Variants in MFHAS1 observed in about 807,000 individuals in gnomAD.
The protein encoded by MFHAS1 is multifunctional ROCO family signaling regulator 1.
A neutral mutation model predicts 70.4 loss-of-function variants in MFHAS1; 50 were observed. The ratio of observed to expected loss-of-function variants is 0.71; its 90% CI spans 0.57 to 0.90. The LOEUF (loss-of-function observed/expected upper bound fraction) is 0.90. Among genes scored for constraint, MFHAS1 ranks in the 40% least tolerant of loss-of-function variants. The probability of loss-of-function intolerance (pLI) is 0.00; values close to 1 mark genes in which losing one functional copy is unlikely to be tolerated. For synonymous variants in MFHAS1, 952 were observed against 620.0 expected, an observed-to-expected ratio of 1.54 and a Z score of -7.96; for missense variants, 1,795 against 1,347.6, an observed-to-expected ratio of 1.33 and a Z score of -5.20.
chr8:8,882,389 AAAAC>A lies in MFHAS1; in HGVS notation c.2998+7668_2998+7671del, dbSNP rs373389563. On this transcript the variant is annotated intron_variant, in intron 1 of 2. Transcript: ENST00000276282. ...TGGAGACAGAGCGAGACTCAGTCTCAAAACAAACAAACAAACAAACAAACAAAAT... is the reference window on the plus strand; with the variant it reads ...TGGAGACAGAGCGAGACTCAGTCTCAAAACAAACAAACAAACAAACAAAAT... Among the ~76,000 whole-genome samples the A allele has an allele frequency of 3.9e-3, 596 of 151,918 alleles. 4 individuals carry two copies. Among genetic ancestry groups the A allele is most frequent in the African/African-American group, 0.011 (455 of 41,322 alleles).
At chr8:8,804,731 C>A (rs1259483052) in intron 1 of MFHAS1, among the ~76,000 whole-genome samples, 1 of 152,222 alleles carries the variant, frequency 6.6e-6, no homozygotes, top group East Asian at 1.9e-4. Flanking sequence ...ACTTCTGCGA[C>A]TCACACAATG....
At chr8:8,822,749 C>A (rs1335297807) in intron 1 of MFHAS1, among the ~76,000 whole-genome samples, 4 of 146,000 alleles carry the variant, frequency 2.7e-5, no homozygotes, top group Non-Finnish European at 6.0e-5. Context: ...GGACAGGGAA[C>A]CAAGTCAGGG....
intron 1 of MFHAS1, among the ~76,000 whole-genome samples, chr8:8,800,991 G>A (rs3789857): frequency 0.14 from 20,697 of 151,976 alleles, 1,866 homozygotes; most frequent in Non-Finnish European, 0.2. Flanking sequence ...CGAGGTGGGC[G>A]GATCACAAGG....
intron 2 of MFHAS1, among the ~76,000 whole-genome samples, chr8:8,794,306 A>C (rs1490419977): frequency 6.6e-6 from 1 of 152,172 alleles, no homozygotes; most frequent in Non-Finnish European, 1.5e-5. Flanking sequence ...CTGAGACCCC[A>C]AGTCTCAGGC....
chr8:8,891,176 C>A lies in MFHAS1; in HGVS notation c.1883G>T (p.Ser628Ile). ...LQILSPVLPV[S>I]CRDPRHLRRL... ...TCGTAAGTGGCGCGGGTCCCTGCAG[C>A]TAACAGGCAACACGGGGGAGAGGAT... The change falls in exon 1 of 3, where the codon AGC becomes ATC. Residue 628 changes from serine to isoleucine, a missense_variant. Physicochemically the swap from Ser to Ile is moderately radical, Grantham distance 142 (BLOSUM62 -2). Coordinates refer to ENST00000276282, the MANE Select transcript of MFHAS1 (RefSeq NM_004225.3). The surrounding 1 kb of genome is among the most constrained non-coding windows in gnomAD (Gnocchi z 5.4). 2 of 1,613,364 alleles carry A rather than the reference C, an allele frequency of 1.2e-6. No homozygotes were observed. The highest frequency in any genetic ancestry group is 1.7e-6 in the Non-Finnish European group (2 of 1,180,024).
chr8:8,883,422 C>T (rs1809606656), intron 1 of MFHAS1, among the ~76,000 whole-genome samples: 1 of 151,690 alleles, frequency 6.6e-6, no homozygotes, highest in Non-Finnish European at 1.5e-5. Context: ...AAAGGGCTCC[C>T]ATGGGCCAGG....
intron 1 of MFHAS1, among the ~76,000 whole-genome samples, chr8:8,857,257 G>A (rs1585055064): frequency 6.6e-6 from 1 of 152,094 alleles, no homozygotes; most frequent in East Asian, 1.9e-4. Flanking sequence ...TTACTAAACT[G>A]CCAATGCAAC....
chr8:8,833,625 T>C (rs1807491298), intron 1 of MFHAS1, among the ~76,000 whole-genome samples: 1 of 152,108 alleles, frequency 6.6e-6, no homozygotes, highest in South Asian at 2.1e-4. Context: ...CAAGACCCTG[T>C]CTTTAAGAAT....
At chr8:8,864,284 C>G (rs973703196) in intron 1 of MFHAS1, among the ~76,000 whole-genome samples, 3 of 152,214 alleles carry the variant, frequency 2.0e-5, no homozygotes, top group African/African-American at 7.2e-5. Flanking sequence ...TGCCCCTATG[C>G]TCAACCAAAT....
At chr8:8,792,030 G>C (rs1805735268) in intron 2 of MFHAS1, among the ~76,000 whole-genome samples, 1 of 151,306 alleles carries the variant, frequency 6.6e-6, no homozygotes, top group African/African-American at 2.4e-5. Flanking sequence ...TCACGGTCAG[G>C]AGATCGAGAC....
chr8:8,891,530 C>A lies in MFHAS1; in HGVS notation c.1529G>T (p.Arg510Leu), dbSNP rs1191426744. The A allele has an allele frequency of 3.1e-6, 5 of 1,612,928 alleles. No homozygotes were observed. The African/African-American group carries it at 4.0e-5, about 13-fold the overall frequency. Residue 510 changes from arginine (R) to leucine (L), a missense_variant, in exon 1 of 3, where the codon CGC (arginine) becomes CTC (leucine). Transcript: ENST00000276282. This position sits in a 1 kb window ranked among gnomAD's most constrained non-coding sequence, Gnocchi z 5.4. ...LVVNLATYEP[R>L]HFPTTVGSFL... ...GGAGCCCACGGTGGTAGGAAAGTGG[C>A]GAGGCTCATAGGTGGCCAAGTTGAC...
At chr8:8,788,317 G>A (rs1805619848) in intron 2 of MFHAS1, among the ~76,000 whole-genome samples, 1 of 152,332 alleles carries the variant, frequency 6.6e-6, no homozygotes, top group East Asian at 1.9e-4. Flanking sequence ...GGTCAGATGT[G>A]ATGAAAAAGC....
chr8:8,858,170 G>T (rs564633807), intron 1 of MFHAS1, among the ~76,000 whole-genome samples: 1 of 152,186 alleles, frequency 6.6e-6, no homozygotes, highest in Non-Finnish European at 1.5e-5. Context: ...GCAGGGAGTA[G>T]TTAAGAAGCC....
At position 8,785,771 on chromosome 8, in the gene MFHAS1, G is replaced by T; in HGVS notation, c.*251C>A. ...TTTTTTTTTCTTTTCTTCAAGTAGC[G>T]CGCTCCTTGGAGGATCACAGTTCTG... On this transcript the variant is annotated 3_prime_UTR_variant, in exon 3 of 3. Coordinates refer to ENST00000276282, the MANE Select transcript of MFHAS1 (RefSeq NM_004225.3). The T allele has an allele frequency of 2.7e-6, 1 of 376,470 alleles. No individual in the cohort carries two copies. Among genetic ancestry groups the T allele is most frequent in the Non-Finnish European group, 4.7e-6 (1 of 210,962 alleles). The allele number at this position is 376,470 out of a possible 1,614,324, so 23.3% of individuals were successfully genotyped here.
chr8:8,797,150 T>A (rs1475313847), intron 2 of MFHAS1, among the ~76,000 whole-genome samples: 15 of 141,492 alleles, frequency 1.1e-4, no homozygotes, highest in African/African-American at 1.6e-4. Flanking sequence ...TTAGCTAAAG[T>A]AAAAAAAAAA....
rs1005495682 is a variant in MFHAS1, at chr8:8,853,845, C to T, written c.2998+36216G>A. ...CCTCCCAAAGTACTAGGAGCCACCA[C>T]CCCTGGCTTAGCTACCTATTTCTAT... On this transcript the variant is annotated intron_variant, in intron 1 of 2. Transcript: ENST00000276282. 3.3e-5 allele frequency among the ~76,000 whole-genome samples: 5 copies of T among 152,314 alleles called. 1 individual carries two copies. In the East Asian group the frequency reaches 7.7e-4, roughly 24 times the overall value.
In MFHAS1 at chr8:8,783,834, AT is replaced by A. The variant is rs1805443726; in HGVS notation, c.*2187del. The A allele has an allele frequency of 6.6e-6, 1 of 152,114 alleles. No individual in the cohort carries two copies. Among genetic ancestry groups the A allele is most frequent in the Admixed American group, 6.5e-5 (1 of 15,270 alleles). The allele number at this position is 152,114 out of a possible 1,614,324, so 9.4% of individuals were successfully genotyped here. On this transcript the variant is annotated 3_prime_UTR_variant, in exon 3 of 3. Coordinates refer to ENST00000276282, the MANE Select transcript of MFHAS1 (RefSeq NM_004225.3). ...CTGAAGAGTCCTGTAGAGCAGAGTGATTTTTGTATCTCCAACCCTCCTCCCA... is the reference window on the plus strand; with the variant it reads ...CTGAAGAGTCCTGTAGAGCAGAGTGATTTTGTATCTCCAACCCTCCTCCCA...
At chr8:8,826,215 G>A (rs961139847) in intron 1 of MFHAS1, among the ~76,000 whole-genome samples, 4 of 151,554 alleles carry the variant, frequency 2.6e-5, no homozygotes, top group East Asian at 1.9e-4. Context: ...TTTCTCAGGC[G>A]CCTTCCAGAA....
chr8:8,820,055 G>C (rs1806896781), intron 1 of MFHAS1, among the ~76,000 whole-genome samples: 2 of 152,116 alleles, frequency 1.3e-5, no homozygotes, highest in Non-Finnish European at 2.9e-5. Context: ...TGTAAATTTA[G>C]TTTTTGTTCT....
Sources: allele counts gnomAD v4.1 joint callset (sites outside exome capture counted in the v4.1 genomes callset), GRCh38; gene constraint gnomAD v4.1.1; non-coding constraint Gnocchi (gnomAD v3.1); transcripts MANE v1.5; gene names NCBI Gene and HGNC (gene_info 2026-07-23, HGNC 2026-07-21).